The following CFAP54 variants were observed in gnomAD, a reference collection of about 807,000 sequenced individuals.
CFAP54 encodes the protein cilia and flagella associated protein 54.
CFAP54 carries 290 observed loss-of-function variants against 370.4 expected under a neutral mutation model. The observed-to-expected ratio is 0.78, with a 90% CI of 0.71 to 0.86. CFAP54 has a LOEUF of 0.86. Ranked by LOEUF, CFAP54 falls within the 40% of genes least tolerant of loss-of-function variation. The pLI, the probability that CFAP54 is intolerant of heterozygous loss-of-function variation, is 0.00. For missense variants in CFAP54, 3,399 were observed against 3,528.7 expected (o/e 0.96, Z 0.93); for synonymous variants, 1,206 against 1,236.5 (o/e 0.98, Z 0.52).
chr12:96,643,873 A>G (rs983789432), intron 32 of CFAP54, among the ~76,000 whole-genome samples: 23 of 152,288 alleles, frequency 1.5e-4, no homozygotes, highest in African/African-American at 4.6e-4. Flanking sequence ...TTTGTTGTCT[A>G]ATCTCAGTAG....
At chr12:96,496,859 A>G (rs917029124) in intron 1 of CFAP54, among the ~76,000 whole-genome samples, 3 of 152,222 alleles carry the variant, frequency 2.0e-5, no homozygotes, top group Non-Finnish European at 2.9e-5. Flanking sequence ...TAAAATAGGC[A>G]ATGATCTGCT....
intron 60 of CFAP54, among the ~76,000 whole-genome samples, chr12:96,777,560 G>T (rs1828632818): frequency 3.3e-5 from 5 of 152,060 alleles, no homozygotes; most frequent in Non-Finnish European, 1.5e-5. Context: ...TGTTGGTCAG[G>T]CTGGTCTCAA....
chr12:96,640,125 G>T (rs572137979), intron 32 of CFAP54, among the ~76,000 whole-genome samples: 124 of 152,236 alleles, frequency 8.1e-4, no homozygotes, highest in African/African-American at 2.8e-3. Flanking sequence ...ATTAGGAAAA[G>T]AGGAAGTCAA....
chr12:96,687,550 G>A (rs1957342352), intron 42 of CFAP54, among the ~76,000 whole-genome samples: 1 of 152,192 alleles, frequency 6.6e-6, no homozygotes, highest in Non-Finnish European at 1.5e-5. Context: ...CCTGCATAGT[G>A]TTTTAAGCTG....
chr12:96,734,045 CTA>C (rs1251015945), intron 50 of CFAP54, among the ~76,000 whole-genome samples: 5 of 134,024 alleles, frequency 3.7e-5, no homozygotes, highest in Admixed American at 7.5e-5. Context: ...TGACTCCATG[CTA>C]TGTTTGTTGT....
At position 96,718,513 on chromosome 12, in the gene CFAP54, C is replaced by T; in HGVS notation, c.6795C>T (p.Ser2265=). ...LTKLKDEITL[S]MLKSMLLMEA... ...AACTTAAAGATGAGATCACTCTTAG[C>T]ATGCTAAAGGTAAGTTTGAAACTGT... Residue 2265 remains serine (S), a synonymous_variant, in exon 49 of 68, where the codon AGC becomes AGT. Transcript: ENST00000524981. 6.4e-7 allele frequency: 1 copy of T among 1,561,392 alleles called. No individual in the cohort carries two copies. Among genetic ancestry groups the T allele is most frequent in the East Asian group, 2.2e-5 (1 of 44,476 alleles).
At chr12:96,719,416 G>C (rs918980933) in intron 49 of CFAP54, among the ~76,000 whole-genome samples, 1 of 152,122 alleles carries the variant, frequency 6.6e-6, no homozygotes, top group Non-Finnish European at 1.5e-5. Flanking sequence ...TGAAAGATTG[G>C]TTGGTCCCTT....
chr12:96,679,334 G>GA (rs1369623154), intron 39 of CFAP54, among the ~76,000 whole-genome samples: 1 of 151,452 alleles, frequency 6.6e-6, no homozygotes, highest in African/African-American at 2.4e-5. Context: ...GCTTCATGGG[G>GA]AAAATTGGCA....
Position 96,764,207 on chromosome 12 carries a change from G to T in CFAP54, c.8097G>T (p.Met2699Ile), listed in dbSNP as rs768272576. The T allele has an allele frequency of 3.1e-6, 5 of 1,613,284 alleles. No homozygotes were observed. In the South Asian group the frequency reaches 5.5e-5, roughly 18 times the overall value. ...AAACATCAGCAAATAAATTTGAAATGTACAGTTCATTAGCCTGGATTGCAA... is the reference window on the plus strand; with the variant it reads ...AAACATCAGCAAATAAATTTGAAATTTACAGTTCATTAGCCTGGATTGCAA... ...VKETSANKFE[M>I]YSSLAWIAIR... is the part of the protein sequence containing the mutation. Residue 2699 changes from methionine (M) to isoleucine (I), a missense_variant, in exon 59 of 68, where the codon ATG becomes ATT. Around this residue, in one of 3 missense-constraint regions of CFAP54, gnomAD observed 2,796 missense variants for 2,869.7 expected, o/e 0.97. Coordinates refer to ENST00000524981, the MANE Select transcript of CFAP54 (RefSeq NM_001306084.2).
chr12:96,532,296 A>G (rs1271821507), intron 9 of CFAP54, among the ~76,000 whole-genome samples: 1 of 151,974 alleles, frequency 6.6e-6, no homozygotes, highest in East Asian at 1.9e-4. Context: ...TGTCCACCTG[A>G]GAGGAGGGAG....
Position 96,644,189 on chromosome 12 carries a change from C to CACTCCCTTGG in CFAP54, c.4328_4329insACTCCCTTGG (p.Ser1444LeufsTer6). The stretch of plus-strand genomic sequence containing the variant: ...TTCTCCCTTGGCAGAAATAGGAGAA[C>CACTCCCTTGG]CAGTGTTAGGAAAGCAGCACAACGA... On this transcript the variant is annotated frameshift_variant, in exon 33 of 68. Coordinates refer to ENST00000524981, the MANE Select transcript of CFAP54 (RefSeq NM_001306084.2). LOFTEE classifies it high-confidence loss of function. The CACTCCCTTGG allele has an allele frequency of 6.5e-7, 1 of 1,530,964 alleles. No homozygotes were observed. The highest frequency in any genetic ancestry group is 8.7e-7 in the Non-Finnish European group (1 of 1,143,356). The allele number at this position is 1,530,964 out of a possible 1,614,324, so 94.8% of individuals were successfully genotyped here.
chr12:96,669,228 T>A (rs1385362716), intron 39 of CFAP54, among the ~76,000 whole-genome samples: 1 of 152,192 alleles, frequency 6.6e-6, no homozygotes, highest in Non-Finnish European at 1.5e-5. Flanking sequence ...TAATAAACTC[T>A]CTTAGAGGGA....
At chr12:96,665,873 A>T (rs1474536458) in intron 39 of CFAP54, among the ~76,000 whole-genome samples, 2 of 152,204 alleles carry the variant, frequency 1.3e-5, no homozygotes, top group Admixed American at 6.5e-5. Flanking sequence ...ATGGTAGTTC[A>T]ATAGGAATAG....
chr12:96,741,604 A>C (rs1265859850), intron 51 of CFAP54, among the ~76,000 whole-genome samples: 3 of 152,166 alleles, frequency 2.0e-5, no homozygotes, highest in African/African-American at 7.2e-5. Flanking sequence ...AGGAGCTGTC[A>C]GAGATGCATA....
chr12:96,643,335 C>T (rs1266275976), intron 32 of CFAP54, among the ~76,000 whole-genome samples: 2 of 152,020 alleles, frequency 1.3e-5, no homozygotes, highest in African/African-American at 2.4e-5. Flanking sequence ...ATGTTTCCTC[C>T]TCTGTTTCAA....
chr12:96,530,259 A>G (rs1400776317), intron 9 of CFAP54, among the ~76,000 whole-genome samples: 2 of 152,216 alleles, frequency 1.3e-5, no homozygotes, highest in East Asian at 1.9e-4. Flanking sequence ...GGAGGCCAAG[A>G]CGAGCTGATC....
chr12:96,619,052 C>G (rs1956455281), intron 26 of CFAP54, among the ~76,000 whole-genome samples: 1 of 152,088 alleles, frequency 6.6e-6, no homozygotes, highest in South Asian at 2.1e-4. Flanking sequence ...TTTGTAGAGA[C>G]AGGGTTTTGC....
At chr12:96,664,747 ATATATATC>A (rs1957052229) in intron 39 of CFAP54, among the ~76,000 whole-genome samples, 1 of 81,724 alleles carries the variant, frequency 1.2e-5, no homozygotes, top group African/African-American at 5.2e-5. Flanking sequence ...ATCTATATAT[ATATATATC>A]TATATATATC....
intron 19 of CFAP54, among the ~76,000 whole-genome samples, chr12:96,572,450 T>A (rs1342434360): frequency 6.6e-6 from 1 of 151,916 alleles, no homozygotes; most frequent in Non-Finnish European, 1.5e-5. Flanking sequence ...TTTTTTTTTT[T>A]ATGGTTTCAG....
Sources: gnomAD v4.1 joint callset for allele counts (sites outside exome capture counted in the v4.1 genomes callset) on GRCh38, gnomAD v4.1.1 for gene constraint, gnomAD v4.1.1 regional missense constraint, MANE v1.5 for transcripts, NCBI Gene and HGNC (gene_info 2026-07-23, HGNC 2026-07-21) for gene names.